The following STXBP4 variants were observed in gnomAD, a reference collection of about 807,000 sequenced individuals.
STXBP4 encodes the protein syntaxin-binding protein 4.
A neutral mutation model predicts 76.1 loss-of-function variants in STXBP4; 55 were observed. The ratio of observed to expected loss-of-function variants is 0.72; its 90% CI spans 0.58 to 0.91. The LOEUF (loss-of-function observed/expected upper bound fraction) is 0.91, where lower values mean the gene tolerates loss of function less well. Ranked by LOEUF, STXBP4 falls within the 40% of genes least tolerant of loss-of-function variation. The pLI, the probability that STXBP4 is intolerant of heterozygous loss-of-function variation, is 0.00. For missense variants in STXBP4, 618 were observed against 636.9 expected, an observed-to-expected ratio of 0.97 and a Z score of 0.32; for synonymous variants, 201 against 220.2, an observed-to-expected ratio of 0.91 and a Z score of 0.77.
At chr17:55,199,473 C>T in the STXBP4 span, among the ~76,000 whole-genome samples, 11 of 152,260 alleles carry the variant, frequency 7.2e-5, no homozygotes, top group African/African-American at 2.2e-4. Flanking sequence ...TCCTGTTTCT[C>T]GATTCTGAAA....
At chr17:55,118,572 GAAAT>G (rs57523515) in intron 16 of STXBP4, among the ~76,000 whole-genome samples, 94,397 of 151,078 alleles carry the variant, frequency 0.62, 30,127 homozygotes, top group African/African-American at 0.75. Flanking sequence ...CTGGGATGGA[GAAAT>G]AAATGTAAGA....
intron 17 of STXBP4, among the ~76,000 whole-genome samples, chr17:55,147,741 G>A (rs934992014): frequency 1.3e-5 from 2 of 152,204 alleles, no homozygotes; most frequent in Admixed American, 1.3e-4. Context: ...AAAAGTTTCT[G>A]TGTAGAACAG....
At chr17:54,986,884 C>T (rs950861936) in intron 3 of STXBP4, among the ~76,000 whole-genome samples, 5 of 152,128 alleles carry the variant, frequency 3.3e-5, no homozygotes, top group Admixed American at 2.0e-4. Context: ...GTAGGATGGC[C>T]TCATTTACAT....
chr17:55,212,973 C>G, the STXBP4 span, among the ~76,000 whole-genome samples: 1 of 152,076 alleles, frequency 6.6e-6, no homozygotes, highest in African/African-American at 2.4e-5. Context: ...GCTTGCTTCT[C>G]AAGTCAAGTG....
chr17:55,035,305 T>C (rs750785456), intron 10 of STXBP4, among the ~76,000 whole-genome samples: 1 of 151,928 alleles, frequency 6.6e-6, no homozygotes, highest in Non-Finnish European at 1.5e-5. Flanking sequence ...CCTGTTATTA[T>C]ACAATTCTTT....
intron 11 of STXBP4, chr17:55,043,614 G>A: frequency 6.5e-7 from 1 of 1,549,494 alleles, no homozygotes; most frequent in South Asian, 1.2e-5. Flanking sequence ...CTCATTAGTG[G>A]CCAGGGCAGA....
intron 7 of STXBP4, among the ~76,000 whole-genome samples, chr17:55,006,020 T>C (rs2078002124): frequency 1.3e-5 from 2 of 152,068 alleles, no homozygotes; most frequent in Non-Finnish European, 2.9e-5. Context: ...TATGTATATG[T>C]GTGTGTATAT....
At chr17:55,119,673 A>G (rs1018208763) in intron 16 of STXBP4, among the ~76,000 whole-genome samples, 7 of 152,032 alleles carry the variant, frequency 4.6e-5, no homozygotes, top group Admixed American at 3.3e-4. Context: ...ATATAAGTAT[A>G]TAAAATAAAA....
chr17:55,180,563 T>TG, the STXBP4 span, among the ~76,000 whole-genome samples: 11 of 152,142 alleles, frequency 7.2e-5, no homozygotes, highest in African/African-American at 2.7e-4. Context: ...ACCACCAGTC[T>TG]AAAGAATTAC....
intron 16 of STXBP4, among the ~76,000 whole-genome samples, chr17:55,082,942 C>T (rs1435288560): frequency 6.6e-6 from 1 of 151,740 alleles, no homozygotes; most frequent in Non-Finnish European, 1.5e-5. Flanking sequence ...ATTCATAACA[C>T]AAGAAGTAGT....
chr17:55,061,885 T>G (rs559990547), intron 12 of STXBP4, among the ~76,000 whole-genome samples: 97 of 152,178 alleles, frequency 6.4e-4, no homozygotes, highest in Admixed American at 1.4e-3. Context: ...TGTATCCATG[T>G]CAGTTTCCTA....
At chr17:55,090,855 CTGTGTG>C (rs57750914) in intron 16 of STXBP4, among the ~76,000 whole-genome samples, 54,116 of 147,188 alleles carry the variant, frequency 0.37, 10,251 homozygotes, top group East Asian at 0.54. Context: ...GTGTGTGTGT[CTGTGTG>C]TGTGTGTGTG....
intron 16 of STXBP4, among the ~76,000 whole-genome samples, chr17:55,110,533 T>C (rs1405949091): frequency 1.3e-5 from 2 of 152,170 alleles, no homozygotes; most frequent in Non-Finnish European, 2.9e-5. Context: ...GGCTAACAAC[T>C]GAGGTGGGGG....
chr17:55,124,831 C>T (rs952971453), intron 16 of STXBP4, among the ~76,000 whole-genome samples: 44 of 152,200 alleles, frequency 2.9e-4, no homozygotes, highest in Non-Finnish European at 3.4e-4. Context: ...GAGATCTCTT[C>T]TCTTGGCTTG....
intron 16 of STXBP4, among the ~76,000 whole-genome samples, chr17:55,084,797 T>C (rs1272099268): frequency 6.6e-6 from 1 of 152,200 alleles, no homozygotes; most frequent in East Asian, 1.9e-4. Context: ...GTTGTAGATA[T>C]GCGGCGTTAT....
chr17:55,055,823 T>C (rs2078917358), intron 12 of STXBP4, among the ~76,000 whole-genome samples: 1 of 152,228 alleles, frequency 6.6e-6, no homozygotes, highest in Non-Finnish European at 1.5e-5. Flanking sequence ...GAGTTTCTTT[T>C]AGTATAACTA....
At chr17:55,211,670 T>G in the STXBP4 span, among the ~76,000 whole-genome samples, 2 of 152,098 alleles carry the variant, frequency 1.3e-5, no homozygotes, top group South Asian at 4.1e-4. Flanking sequence ...CTTAACTATA[T>G]CCTCATGTTT....
At chr17:55,037,711 T>C (rs549798142) in intron 10 of STXBP4, among the ~76,000 whole-genome samples, 6 of 152,262 alleles carry the variant, frequency 3.9e-5, no homozygotes, top group Admixed American at 2.6e-4. Flanking sequence ...TTTTACACCA[T>C]ACTCACGTAT....
intron 16 of STXBP4, among the ~76,000 whole-genome samples, chr17:55,110,897 T>C (rs1189795461): frequency 6.6e-6 from 1 of 152,174 alleles, no homozygotes. Flanking sequence ...CTGGAGATTG[T>C]TTTTAGTAGA....
Sources: allele counts gnomAD v4.1 joint callset (sites outside exome capture counted in the v4.1 genomes callset), GRCh38; gene constraint gnomAD v4.1.1; transcripts MANE v1.5; gene names NCBI Gene and HGNC (gene_info 2026-07-23, HGNC 2026-07-21).